NINL: variants seen among roughly 807,000 people sequenced by gnomAD.
The protein encoded by NINL is ninein like.
Under a neutral mutation model 160.3 loss-of-function variants are expected in NINL, and 153 were observed. That is an observed-to-expected ratio of 0.95 (90% CI 0.84 to 1.09). The LOEUF (loss-of-function observed/expected upper bound fraction) is 1.09. Among genes scored for constraint, NINL ranks in the 50% least tolerant of loss-of-function variants. The pLI is 0.00. For synonymous variants in NINL, 800 were observed against 734.8 expected (o/e 1.09, Z -1.43); for missense variants, 1,829 against 1,764.0 (o/e 1.04, Z -0.66).
intron 1 of NINL, among the ~76,000 whole-genome samples, chr20:25,562,202 C>A (rs1442610484): frequency 7.1e-6 from 1 of 141,126 alleles, no homozygotes; most frequent in Non-Finnish European, 1.6e-5. Flanking sequence ...GGCCAGCCGC[C>A]CCGTCCGGGA....
intron 8 of NINL, among the ~76,000 whole-genome samples, chr20:25,498,574 C>T (rs1244084525): frequency 6.6e-6 from 1 of 152,168 alleles, no homozygotes; most frequent in Non-Finnish European, 1.5e-5. Context: ...CTCAGGGGTG[C>T]GTAGGCCCAG....
At chr20:25,576,838 G>GT (rs774057029) in intron 1 of NINL, among the ~76,000 whole-genome samples, 6 of 152,224 alleles carry the variant, frequency 3.9e-5, no homozygotes. Flanking sequence ...TAAAAATTCA[G>GT]TAAGAATTTA....
chr20:25,464,652 C>T (rs571409577), intron 19 of NINL, among the ~76,000 whole-genome samples: 9 of 152,264 alleles, frequency 5.9e-5, no homozygotes, highest in Middle Eastern at 6.8e-3. Flanking sequence ...AGCTCTCACG[C>T]GGCTGCTGTG....
intron 8 of NINL, among the ~76,000 whole-genome samples, chr20:25,499,963 A>G (rs979666638): frequency 6.6e-6 from 1 of 151,906 alleles, no homozygotes; most frequent in Non-Finnish European, 1.5e-5. Flanking sequence ...AAAAAAAAAA[A>G]AAAAAAAATT....
intron 20 of NINL, 127 bp downstream of exon 20, chr20:25,462,256 A>T: frequency 1.2e-6 from 1 of 821,690 alleles, no homozygotes; most frequent in Non-Finnish European, 1.9e-6. Flanking sequence ...TACTTCTCCA[A>T]GGCATGCTTG....
intron 1 of NINL, among the ~76,000 whole-genome samples, chr20:25,533,266 T>C (rs2064498742): frequency 6.6e-6 from 1 of 151,868 alleles, no homozygotes; most frequent in Non-Finnish European, 1.5e-5. Context: ...GAGAGGAGAA[T>C]AATGAAGGGG....
At chr20:25,506,428 C>A (rs2063963099) in intron 5 of NINL, among the ~76,000 whole-genome samples, 1 of 152,220 alleles carries the variant, frequency 6.6e-6, no homozygotes, top group Non-Finnish European at 1.5e-5. Context: ...CTGCCACAGG[C>A]TTCTTCTCTA....
At chr20:25,522,562 G>C (rs1379839906) in intron 2 of NINL, among the ~76,000 whole-genome samples, 1 of 152,158 alleles carries the variant, frequency 6.6e-6, no homozygotes, top group African/African-American at 2.4e-5. Context: ...CTAGCATCTG[G>C]TGTTGCCTAG....
At chr20:25,552,045 T>C (rs890084572) in intron 1 of NINL, among the ~76,000 whole-genome samples, 11 of 152,168 alleles carry the variant, frequency 7.2e-5, no homozygotes, top group Admixed American at 3.9e-4. Flanking sequence ...CTATGACACA[T>C]TGTTGTGAAG....
intron 10 of NINL, among the ~76,000 whole-genome samples, chr20:25,495,837 C>T (rs1175180041): frequency 6.6e-6 from 1 of 152,120 alleles, no homozygotes; most frequent in Non-Finnish European, 1.5e-5. Flanking sequence ...GTGGTTGTAT[C>T]CTTAAACAAA....
At chr20:25,489,160 A>T in intron 13 of NINL, 84 bp downstream of exon 13, 1 of 1,261,268 alleles carries the variant, frequency 7.9e-7, no homozygotes, top group Non-Finnish European at 1.2e-6. Context: ...TGGAGCAGAC[A>T]CTCCTGCGTT....
At chr20:25,577,643 T>C (rs2065129299) in intron 1 of NINL, among the ~76,000 whole-genome samples, 2 of 152,164 alleles carry the variant, frequency 1.3e-5, no homozygotes, top group South Asian at 4.1e-4. Context: ...GGTTCTCATG[T>C]TTAGGGTCTG....
At chr20:25,563,027 G>A (rs181724479) in intron 1 of NINL, among the ~76,000 whole-genome samples, 62 of 152,230 alleles carry the variant, frequency 4.1e-4, no homozygotes, top group African/African-American at 1.4e-3. Flanking sequence ...TTAGCTGGGC[G>A]TGGTGGCGGG....
At chr20:25,470,120 G>A (rs376527915) in intron 17 of NINL, 25 bp from the exon 18 acceptor site, 30 of 1,592,808 alleles carry the variant, frequency 1.9e-5, no homozygotes, top group African/African-American at 1.1e-4. Flanking sequence ...AGAAAAGACC[G>A]GTGAGCACTT....
chr20:25,461,700 CA>C, intron 20 of NINL, 65 bp from the exon 21 acceptor site: 1 of 1,097,068 alleles, frequency 9.1e-7, no homozygotes, highest in Non-Finnish European at 1.4e-6. Flanking sequence ...GTAATTCGTG[CA>C]AAAACCTCAG....
chr20:25,493,357 T>C (rs967837483), intron 10 of NINL, among the ~76,000 whole-genome samples: 1 of 151,754 alleles, frequency 6.6e-6, no homozygotes, highest in East Asian at 1.9e-4. Context: ...AGCACCAAGA[T>C]CCCTGTGGCA....
chr20:25,521,685 A>T (rs1402322869), intron 2 of NINL, among the ~76,000 whole-genome samples: 3 of 152,176 alleles, frequency 2.0e-5, no homozygotes, highest in African/African-American at 7.2e-5. Flanking sequence ...GACTGACTGC[A>T]ATTCATCTTT....
Position 25,462,404 on chromosome 20 carries a change from C to T in NINL, c.3561G>A (p.Val1187=), listed in dbSNP as rs1029821331. 6.8e-6 allele frequency: 11 copies of T among 1,613,658 alleles called. No individual in the cohort carries two copies. In the Admixed American group the frequency reaches 1.5e-4, roughly 22 times the overall value. ...CCACCTGCTGCTGCCCACTGCGAAC[C>T]ACCTCCTCCAGGCTCTGTGTTAACA... ...IQMLTQSLEE[V]VRSGQQQSDQ... The change falls in exon 20 of 24, where the codon GTG becomes GTA. Residue 1187 remains valine (V), a synonymous_variant. Coordinates refer to ENST00000278886, the MANE Select transcript of NINL (RefSeq NM_025176.6).
Position 25,458,495 on chromosome 20 carries a change from T to G in NINL, c.3731A>C (p.Gln1244Pro). The G allele has an allele frequency of 6.2e-7, 1 of 1,600,980 alleles. No homozygotes were observed. The change falls in exon 22 of 24, where the codon CAG becomes CCG. Residue 1244 changes from glutamine (Q) to proline (P), a missense_variant. Transcript: ENST00000278886. ...CCGGACCTCCTGCAAGTGCTGGGCC[T>G]GGGCCTGCCTCAGCCTCAGGTGAGC... Reference protein sequence around the residue: ...QGAHLRLRQAQAQHLQEVRLV... With the variant: ...QGAHLRLRQAPAQHLQEVRLV...
Sources: allele counts gnomAD v4.1 joint callset (sites outside exome capture counted in the v4.1 genomes callset), GRCh38; gene constraint gnomAD v4.1.1; transcripts MANE v1.5; gene names NCBI Gene and HGNC (gene_info 2026-07-23, HGNC 2026-07-21).